Variants in TENM2 observed in about 807,000 individuals in gnomAD.
The protein encoded by TENM2 is teneurin-2.
TENM2 carries 52 observed loss-of-function variants against 245.2 expected under a neutral mutation model. The observed-to-expected ratio is 0.21, with a 90% CI of 0.17 to 0.27. TENM2 has a LOEUF of 0.27. Ranked by LOEUF, TENM2 falls within the 10% of genes least tolerant of loss-of-function variation. TENM2 has a pLI of 1.00. For synonymous variants in TENM2, 1,363 were observed against 1,438.9 expected (o/e 0.95, Z 1.19); for missense variants, 3,046 against 3,666.8 (o/e 0.83, Z 4.37).
intron 9 of TENM2, among the ~76,000 whole-genome samples, chr5:168,102,470 T>A (rs1339008910): frequency 6.6e-6 from 1 of 152,096 alleles, no homozygotes; most frequent in African/African-American, 2.4e-5. Context: ...ATCTAGAGAG[T>A]AATATTTTCA....
the TENM2 span, among the ~76,000 whole-genome samples, chr5:167,051,433 G>GAAAA: frequency 6.7e-6 from 1 of 149,524 alleles, no homozygotes; most frequent in African/African-American, 2.5e-5. Flanking sequence ...TGAATTGGGA[G>GAAAA]AAAAAAAAAA....
At chr5:167,204,003 A>C in the TENM2 span, among the ~76,000 whole-genome samples, 1 of 152,184 alleles carries the variant, frequency 6.6e-6, no homozygotes, top group South Asian at 2.1e-4. Context: ...GGAAAAAAGA[A>C]TCTGCCATTC....
At position 167,592,077 on chromosome 5, in the gene TENM2, C is replaced by T. The variant is rs78038673; in HGVS notation, c.502+216604C>T. Among the ~76,000 whole-genome samples, 349 of 152,290 alleles carry T rather than the reference C, an allele frequency of 2.3e-3. 9 individuals carry two copies. The East Asian group carries it at 0.057, about 25-fold the overall frequency. On this transcript the variant is annotated intron_variant, in intron 2 of 28. Coordinates refer to ENST00000518659, the Ensembl canonical transcript of TENM2. ...ACAGAATGAGGACAAGCGTTCATTC[C>T]TTCTAATGAGGACTTTACCTAGGTT...
the TENM2 span, among the ~76,000 whole-genome samples, chr5:167,240,290 A>G: frequency 6.6e-6 from 1 of 150,468 alleles, no homozygotes; most frequent in African/African-American, 2.4e-5. Context: ...GTCCGTGTTT[A>G]TACTGATTCT....
chr5:168,195,631 A>G (rs559321578), intron 15 of TENM2, among the ~76,000 whole-genome samples: 1 of 148,688 alleles, frequency 6.7e-6, no homozygotes, highest in African/African-American at 2.5e-5. Context: ...GGCAGGTTCT[A>G]GAAAAAGAAG....
the TENM2 span, among the ~76,000 whole-genome samples, chr5:167,044,942 A>T: frequency 6.6e-6 from 1 of 152,174 alleles, no homozygotes; most frequent in Non-Finnish European, 1.5e-5. Context: ...GTCCAGAGAA[A>T]ATGGAGGGAG....
the TENM2 span, among the ~76,000 whole-genome samples, chr5:167,264,611 G>T: frequency 6.6e-6 from 1 of 152,132 alleles, no homozygotes; most frequent in East Asian, 1.9e-4. Context: ...ATAGTGAATA[G>T]ATATACTGCA....
intron 13 of TENM2, among the ~76,000 whole-genome samples, chr5:168,175,355 C>A (rs891139093): frequency 6.6e-6 from 1 of 152,140 alleles, no homozygotes; most frequent in Non-Finnish European, 1.5e-5. Context: ...AAATCAGGAA[C>A]CCATCTTTTG....
intron 3 of TENM2, among the ~76,000 whole-genome samples, chr5:167,946,432 A>T (rs998897467): frequency 6.6e-6 from 1 of 152,182 alleles, no homozygotes; most frequent in African/African-American, 2.4e-5. Context: ...AAGAGATTGC[A>T]CTGCAGTTTG....
In TENM2 at chr5:168,092,895, C is replaced by T. The variant is rs762997920; in HGVS notation, c.1711+2126C>T. Among the ~76,000 whole-genome samples, 5 of 152,188 alleles carry T rather than the reference C, an allele frequency of 3.3e-5. No individual in the cohort carries two copies. In the South Asian group the frequency reaches 8.3e-4, roughly 25 times the overall value. ...CAGCTATGCATTTATAGAGCATCAA[C>T]GGTATGCTAGCCCCAGTATTATGCC... On this transcript the variant is annotated intron_variant, in intron 8 of 28. Coordinates refer to ENST00000518659, the Ensembl canonical transcript of TENM2.
Position 167,576,256 on chromosome 5 carries a change from C to A in TENM2, c.502+200783C>A, listed in dbSNP as rs369908775. On this transcript the variant is annotated intron_variant, in intron 2 of 28. Coordinates refer to ENST00000518659, the Ensembl canonical transcript of TENM2. ...GATGGTAATCAAAGCTATCCTTACT[C>A]AAACTATTTGATTCATATAAATAGC... Among the ~76,000 whole-genome samples, 13 of 151,812 alleles carry A rather than the reference C, an allele frequency of 8.6e-5. No individual in the cohort carries two copies. The East Asian group carries it at 1.7e-3, about 20-fold the overall frequency.
rs185683101 is a variant in TENM2 at position 167,696,819 on chromosome 5, A to G, written c.503-179167A>G. Among the ~76,000 whole-genome samples the G allele has an allele frequency of 2.4e-3, 361 of 152,280 alleles. 1 individual carries two copies. The highest frequency in any genetic ancestry group is 0.014 in the Middle Eastern group (4 of 294). On this transcript the variant is annotated intron_variant, in intron 2 of 28. Transcript: ENST00000518659. ...GCTGCTCCTCTTGCACCTCCCTGGA[A>G]CCATTCCTTACTTCCCACCTCCTCC... is the stretch of plus-strand genomic sequence containing the variant.
intron 3 of TENM2, among the ~76,000 whole-genome samples, chr5:167,935,102 A>G (rs866429650): frequency 1.3e-5 from 2 of 152,164 alleles, no homozygotes; most frequent in African/African-American, 4.8e-5. Flanking sequence ...CTAGACAGCA[A>G]TGGGACAAGG....
chr5:167,537,109 A>G (rs1685382936), intron 2 of TENM2, among the ~76,000 whole-genome samples: 1 of 152,016 alleles, frequency 6.6e-6, no homozygotes. Flanking sequence ...GAATGGATTG[A>G]AATGTTTCAA....
intron 3 of TENM2, among the ~76,000 whole-genome samples, chr5:167,946,383 G>A (rs768702814): frequency 1.3e-4 from 20 of 152,244 alleles, no homozygotes; most frequent in Middle Eastern, 3.4e-3. Context: ...ATGCAGCACA[G>A]TGAAGGAAGT....
chr5:168,142,677 A>G (rs1025985634), intron 12 of TENM2, among the ~76,000 whole-genome samples: 2 of 152,168 alleles, frequency 1.3e-5, no homozygotes, highest in African/African-American at 2.4e-5. Flanking sequence ...ATTGCCTTTT[A>G]CTTTGTTTTT....
chr5:167,441,535 T>A (rs2127460113), intron 2 of TENM2, among the ~76,000 whole-genome samples: 1 of 152,330 alleles, frequency 6.6e-6, no homozygotes, highest in African/African-American at 2.4e-5. Context: ...TGCTTTTCTA[T>A]CAGCTGAAAC....
chr5:167,069,467 A>G, the TENM2 span, among the ~76,000 whole-genome samples: 1 of 152,210 alleles, frequency 6.6e-6, no homozygotes, highest in African/African-American at 2.4e-5. Flanking sequence ...AGGGTATTTG[A>G]ATATCTCAAA....
At chr5:167,374,433 A>G (rs1760621271) in intron 1 of TENM2, among the ~76,000 whole-genome samples, 2 of 151,422 alleles carry the variant, frequency 1.3e-5, no homozygotes. Context: ...CCTCTCTTTA[A>G]GCAATGCATG....
Sources: gnomAD v4.1 joint callset for allele counts (sites outside exome capture counted in the v4.1 genomes callset) on GRCh38, gnomAD v4.1.1 for gene constraint, MANE v1.5 for transcripts, NCBI Gene and HGNC (gene_info 2026-07-23, HGNC 2026-07-21) for gene names.